The following TPM1 variants were observed in gnomAD, a reference collection of about 807,000 sequenced individuals.
TPM1 encodes tropomyosin alpha-1 chain.
A neutral mutation model predicts 42.9 loss-of-function variants in TPM1; 24 were observed. The observed-to-expected ratio is 0.56, with a 90% CI of 0.41 to 0.79. TPM1 has a LOEUF of 0.79. Ranked by LOEUF, TPM1 falls within the 30% of genes least tolerant of loss-of-function variation. TPM1 has a pLI of 0.00. For synonymous variants in TPM1, 136 were observed against 130.1 expected (o/e 1.05, Z -0.31); for missense variants, 158 against 351.8 (o/e 0.45, Z 4.41).
downstream of TPM1, chr15:63,069,923 C>T (rs762673645): frequency 7.4e-6 from 12 of 1,613,970 alleles, no homozygotes; most frequent in Non-Finnish European, 1.0e-5. Flanking sequence ...TGAACTAAAG[C>T]TGGCCCTGAA....
chr15:63,066,109 C>A lies in TPM1; in HGVS notation c.*210C>A. The A allele has an allele frequency of 6.7e-7, 1 of 1,490,568 alleles. No individual in the cohort carries two copies. Among genetic ancestry groups the A allele is most frequent in the Non-Finnish European group, 8.9e-7 (1 of 1,129,414 alleles). The allele number at this position is 1,490,568 out of a possible 1,614,324, so 92.3% of individuals were successfully genotyped here. A position where few individuals can be genotyped will look rare whatever the true frequency, so the allele number is the denominator to read the frequency against. ...GTGTAAGCTATTTCTGTTTGCTATT[C>A]TTTTTACTTCTTATTTATTGACATT... On this transcript the variant is annotated 3_prime_UTR_variant, in exon 10 of 10. Coordinates refer to ENST00000403994, the MANE Select transcript of TPM1 (RefSeq NM_001018005.2).
intron 1 of TPM1, 151 bp downstream of exon 1, chr15:63,043,094 G>A: frequency 2.9e-6 from 2 of 685,662 alleles, no homozygotes; most frequent in Admixed American, 4.8e-5. Context: ...TGGAAAGAAG[G>A]AAGGGAAACG....
At chr15:63,068,963 A>C (rs2036439760), downstream of TPM1, among the ~76,000 whole-genome samples, 1 of 150,562 alleles carries the variant, frequency 6.6e-6, no homozygotes, top group Non-Finnish European at 1.5e-5. Context: ...TCTGGCTAAC[A>C]CGGTGAAACC....
downstream of TPM1, among the ~76,000 whole-genome samples, chr15:63,066,921 G>A (rs1185399693): frequency 6.6e-6 from 1 of 151,444 alleles, no homozygotes; most frequent in African/African-American, 2.4e-5. Flanking sequence ...AAAGATAGTT[G>A]GTGGAAATTG....
Position 63,061,805 on chromosome 15 carries a change from G to C in TPM1, c.639+17G>C. 1.2e-6 allele frequency: 2 copies of C among 1,613,048 alleles called. No homozygotes were observed. Among genetic ancestry groups the C allele is most frequent in the Non-Finnish European group, 1.7e-6 (2 of 1,179,042 alleles). The stretch of plus-strand genomic sequence containing the variant: ...GCTGAGAAGGTAGGCCAGGAGGATG[G>C]TGTGGGGGAAAGGCATCTTTTAAGA... On this transcript the variant is annotated intron_variant, in intron 6 of 9. Transcript: ENST00000403994.
intron 2 of TPM1, among the ~76,000 whole-genome samples, chr15:63,050,214 C>G (rs111235062): frequency 1.4e-4 from 22 of 152,338 alleles, no homozygotes; most frequent in African/African-American, 5.3e-4. Flanking sequence ...CCTTCAGTTC[C>G]CCACCCAGCA....
chr15:63,062,445 C>A, intron 7 of TPM1, 131 bp from the exon 8 acceptor site: 1 of 1,290,930 alleles, frequency 7.7e-7, no homozygotes, highest in Non-Finnish European at 1.1e-6. Flanking sequence ...ACAGAGGTGA[C>A]TGAAACTGAC....
downstream of TPM1, chr15:63,070,526 A>G (rs1347698723): frequency 1.0e-6 from 1 of 994,472 alleles, no homozygotes; most frequent in Non-Finnish European, 1.2e-6. Flanking sequence ...TCATGCTAAT[A>G]AATAGAACAC....
chr15:63,056,871 C>T lies in TPM1; in HGVS notation c.241-114C>T, dbSNP rs1158231309. On this transcript the variant is annotated intron_variant, in intron 2 of 9. Coordinates refer to ENST00000403994, the MANE Select transcript of TPM1 (RefSeq NM_001018005.2). ...GGGCTTGTAATGCACTTAAAGGTAG[C>T]TCACCACAAGACAGTCTTCCTATCT... 3.5e-6 allele frequency: 5 copies of T among 1,425,056 alleles called. No homozygotes were observed. The Admixed American group carries it at 5.0e-5, about 14-fold the overall frequency. 88.3% of individuals were successfully genotyped at this position (1,425,056 alleles called of 1,614,324 possible).
At position 63,060,844 on chromosome 15, in the gene TPM1, T is replaced by G. The variant is rs749022971; in HGVS notation, c.493-25T>G. 5 of 1,613,530 alleles carry G rather than the reference T, an allele frequency of 3.1e-6. No individual in the cohort carries two copies. In the Admixed American group the frequency reaches 5.0e-5, roughly 16 times the overall value. On this transcript the variant is annotated intron_variant, in intron 4 of 9. Transcript: ENST00000403994. ...CACAAAGCTTGCAAGACCCATGGTGTGTGTGTTGTGTCTTCCTGCTGCAGG... is the reference window on the plus strand; with the variant it reads ...CACAAAGCTTGCAAGACCCATGGTGGGTGTGTTGTGTCTTCCTGCTGCAGG...
rs577390776 is a variant in TPM1, at chr15:63,043,574, T to G, written c.115-453T>G. On this transcript the variant is annotated intron_variant, in intron 1 of 9. Transcript: ENST00000403994. ...CAGCTCGGGTAAAGAGGAAGTTACC[T>G]CGGGTCCTTTGCACTCCAACTCGGC... The G allele has an allele frequency of 5.7e-6, 8 of 1,402,354 alleles. No homozygotes were observed. The South Asian group carries it at 8.6e-5, about 15-fold the overall frequency. The allele number at this position is 1,402,354 out of a possible 1,614,324, so 86.9% of individuals were successfully genotyped here. A position where few individuals can be genotyped will look rare whatever the true frequency, so the allele number is the denominator to read the frequency against.
chr15:63,066,272 G>T, downstream of TPM1: 1 of 998,162 alleles, frequency 1.0e-6, no homozygotes. Context: ...GTTCCTTGTT[G>T]AACTTCAAAA....
intron 2 of TPM1, 137 bp from the exon 3 acceptor site, chr15:63,056,848 G>T: frequency 8.9e-7 from 1 of 1,121,410 alleles, no homozygotes. Flanking sequence ...GTTGATGAGG[G>T]CTTGTAATGC....
intron 2 of TPM1, chr15:63,048,393 C>T (rs1314690238): frequency 7.4e-7 from 1 of 1,357,254 alleles, no homozygotes. Context: ...GGTTTGTCTG[C>T]GCAGCCCTGG....
chr15:63,055,628 G>C (rs1308756505), intron 2 of TPM1: 2 of 152,242 alleles, frequency 1.3e-5, no homozygotes, highest in Non-Finnish European at 2.9e-5. Flanking sequence ...ACAGGGCTGT[G>C]TGTAGAGAAA....
intron 2 of TPM1, among the ~76,000 whole-genome samples, chr15:63,050,305 C>T (rs899315003): frequency 2.0e-5 from 3 of 151,962 alleles, no homozygotes; most frequent in Admixed American, 1.3e-4. Flanking sequence ...TTTGTTGGGG[C>T]GGGGGGCTTG....
At chr15:63,059,783 G>T (rs2035348024) in intron 4 of TPM1, 103 bp downstream of exon 4, 9 of 827,796 alleles carry the variant, frequency 1.1e-5, no homozygotes, top group East Asian at 2.9e-5. Flanking sequence ...CATCTGCTTT[G>T]TTGGCAGAAA....
At chr15:63,052,447 C>G (rs576529465) in intron 2 of TPM1, among the ~76,000 whole-genome samples, 1 of 152,070 alleles carries the variant, frequency 6.6e-6, no homozygotes, top group African/African-American at 2.4e-5. Flanking sequence ...CGCTTGAACC[C>G]GGGAGGTGGA....
Position 63,042,954 on chromosome 15 carries a change from C to A in TPM1, c.114+11C>A. Reference sequence around the variant, plus strand: ...GACAGGAGCAAGCAGGTCTGCGCCTCCCCGGCCCTGCGCCCGCGCCCAGAG... The same window carrying A: ...GACAGGAGCAAGCAGGTCTGCGCCTACCCGGCCCTGCGCCCGCGCCCAGAG... On this transcript the variant is annotated intron_variant, in intron 1 of 9. Transcript: ENST00000403994. The A allele has an allele frequency of 6.3e-7, 1 of 1,583,462 alleles. No individual in the cohort carries two copies. Among genetic ancestry groups the A allele is most frequent in the Non-Finnish European group, 8.6e-7 (1 of 1,164,516 alleles).
Sources: gnomAD v4.1 joint callset for allele counts (sites outside exome capture counted in the v4.1 genomes callset) on GRCh38, gnomAD v4.1.1 for gene constraint, MANE v1.5 for transcripts, NCBI Gene and HGNC (gene_info 2026-07-23, HGNC 2026-07-21) for gene names.